Variants in APOH observed in about 807,000 individuals in gnomAD.
APOH encodes the protein beta-2-glycoprotein 1.
APOH carries 48 observed loss-of-function variants against 39.8 expected under a neutral mutation model. The observed-to-expected ratio is 1.21, with a 90% CI of 0.96 to 1.54. The LOEUF (loss-of-function observed/expected upper bound fraction) is 1.54, where lower values mean the gene tolerates loss of function less well. APOH is among the 40% of genes most tolerant of loss of function. The pLI is 0.00. For missense variants in APOH, 415 were observed against 421.2 expected (o/e 0.99, Z 0.13); for synonymous variants, 153 against 151.1 (o/e 1.01, Z -0.09).
chr17:66,222,306 C>G (rs958935893), intron 4 of APOH, among the ~76,000 whole-genome samples: 1 of 151,790 alleles, frequency 6.6e-6, no homozygotes, highest in East Asian at 1.9e-4. Context: ...ATCACTTGGC[C>G]CCAGGAGATC....
intron 2 of APOH, among the ~76,000 whole-genome samples, chr17:66,227,581 A>G (rs2073447548): frequency 6.6e-6 from 1 of 152,208 alleles, no homozygotes; most frequent in Non-Finnish European, 1.5e-5. Flanking sequence ...AATATAATAT[A>G]TACATAATGT....
intron 4 of APOH, among the ~76,000 whole-genome samples, chr17:66,221,643 T>C (rs1403072793): frequency 1.3e-5 from 2 of 151,972 alleles, no homozygotes; most frequent in African/African-American, 4.8e-5. Context: ...ACTTGGTACA[T>C]AGTAGTTTGG....
intron 7 of APOH, among the ~76,000 whole-genome samples, chr17:66,213,835 G>A (rs984987491): frequency 6.6e-6 from 1 of 152,020 alleles, no homozygotes; most frequent in East Asian, 1.9e-4. Flanking sequence ...CTACTCAGAA[G>A]GCTGAGGTGA....
intron 7 of APOH, among the ~76,000 whole-genome samples, 179 bp from the exon 8 acceptor site, chr17:66,212,367 C>A (rs1348780927): frequency 6.6e-6 from 1 of 151,742 alleles, no homozygotes; most frequent in East Asian, 1.9e-4. Flanking sequence ...ATGATAAGAC[C>A]CTCATTTTCT....
chr17:66,223,362 A>G (rs1019608247), intron 4 of APOH, among the ~76,000 whole-genome samples: 16 of 31,040 alleles, frequency 5.2e-4, no homozygotes, highest in African/African-American at 3.1e-3. Context: ...TTAAGTGGTG[A>G]CAGTCCCTGA....
intron 2 of APOH, among the ~76,000 whole-genome samples, chr17:66,226,328 T>C (rs2073439429): frequency 6.6e-6 from 1 of 152,220 alleles, no homozygotes; most frequent in African/African-American, 2.4e-5. Context: ...TTCATTATAC[T>C]GTTTCTCCTA....
chr17:66,223,807 A>G, intron 3 of APOH, 33 bp from the exon 4 acceptor site: 5 of 1,570,692 alleles, frequency 3.2e-6, no homozygotes, highest in Non-Finnish European at 3.5e-6. Context: ...ATCAAGGAGT[A>G]AAATAATCCA....
At chr17:66,227,986 A>C (rs1160996748) in intron 2 of APOH, 34 bp downstream of exon 2, 3 of 1,589,712 alleles carry the variant, frequency 1.9e-6, no homozygotes, top group Admixed American at 1.7e-5. Context: ...AATCCAAATG[A>C]GGGAAGAGAA....
chr17:66,212,268 T>A, intron 7 of APOH, 80 bp from the exon 8 acceptor site: 1 of 1,230,268 alleles, frequency 8.1e-7, no homozygotes, highest in Non-Finnish European at 1.2e-6. Flanking sequence ...CCAAACCAAA[T>A]ACATTTTACG....
rs666 is a variant in APOH at position 66,228,153 on chromosome 17, C to T, written c.108G>A (p.Pro36=). 1.8e-5 allele frequency: 29 copies of T among 1,614,120 alleles called. No individual in the cohort carries two copies. The East Asian group carries it at 5.3e-4, about 30-fold the overall frequency. ...PDDLPFSTVV[P]LKTFYEPGEE... ...CTCCTGGCTCATAGAATGTTTTTAA[C>T]GGGACCACTGTGGAAAATGGTAAAT... The change falls in exon 2 of 8, where the codon CCG becomes CCA. Residue 36 remains proline, a synonymous_variant. Transcript: ENST00000205948.
rs769892837 is a variant in APOH, at chr17:66,229,334, C to T, written c.46G>A (p.Val16Ile). The T allele has an allele frequency of 6.2e-7, 1 of 1,613,670 alleles. No individual in the cohort carries two copies. The highest frequency in any genetic ancestry group is 8.5e-7 in the Non-Finnish European group (1 of 1,179,738). ...LILFSSFLCH[V>I]AIAGRTCPKP... ...TACTTACTCCGTCCTGCAATAGCAA[C>T]ATGGCAGAGAAAACTCGAGAACAAG... The change falls in exon 1 of 8, where the codon GTT (valine) becomes ATT (isoleucine). Residue 16 changes from valine (V) to isoleucine (I), a missense_variant. Val to Ile is a conservative substitution (Grantham distance 29). This residue lies in a region of APOH where 288 missense variants were observed against 284.9 expected (regional missense o/e 1.01). Coordinates refer to ENST00000205948, the MANE Select transcript of APOH (RefSeq NM_000042.3).
At chr17:66,229,157 G>C (rs189528627) in intron 1 of APOH, among the ~76,000 whole-genome samples, 159 bp downstream of exon 1, 23 of 152,120 alleles carry the variant, frequency 1.5e-4, no homozygotes, top group African/African-American at 4.6e-4. Flanking sequence ...GACTGGTCTC[G>C]AACTCCTGAC....
intron 4 of APOH, 149 bp from the exon 5 acceptor site, chr17:66,220,891 C>A (rs934408118): frequency 2.4e-6 from 2 of 842,008 alleles, no homozygotes; most frequent in Non-Finnish European, 3.5e-6. Flanking sequence ...ATTGTGGATG[C>A]CTAATAGGAA....
intron 5 of APOH, among the ~76,000 whole-genome samples, chr17:66,217,808 T>C (rs2073374671): frequency 6.6e-6 from 1 of 151,928 alleles, no homozygotes; most frequent in South Asian, 2.1e-4. Flanking sequence ...CCGGGTGTGG[T>C]GGCATGCACC....
intron 2 of APOH, among the ~76,000 whole-genome samples, chr17:66,226,883 A>ATTT (rs1185974185): frequency 2.1e-5 from 2 of 96,942 alleles, no homozygotes; most frequent in African/African-American, 1.1e-4. Context: ...TTTTTATTTT[A>ATTT]TTTATTTATT....
In APOH at chr17:66,229,341, G is replaced by C. The variant is rs1244894333; in HGVS notation, c.39C>G (p.Leu13=). 3 of 1,613,848 alleles carry C rather than the reference G, an allele frequency of 1.9e-6. No homozygotes were observed. The highest frequency in any genetic ancestry group is 2.5e-6 in the Non-Finnish European group (3 of 1,179,806). ...TCCGTCCTGCAATAGCAACATGGCA[G>C]AGAAAACTCGAGAACAAGATGAGCA... ...SPVLILFSSF[L]CHVAIAGRTC... is the part of the protein sequence containing the mutation. The change falls in exon 1 of 8, where the codon CTC becomes CTG. Residue 13 remains leucine (L), a synonymous_variant. Transcript: ENST00000205948.
intron 3 of APOH, among the ~76,000 whole-genome samples, chr17:66,224,742 G>A (rs1282864481): frequency 6.9e-6 from 1 of 145,224 alleles, no homozygotes; most frequent in East Asian, 2.0e-4. Flanking sequence ...GGAAAGGAAA[G>A]GAAAGGAAAG....
intron 6 of APOH, among the ~76,000 whole-genome samples, chr17:66,216,189 T>C (rs1038443400): frequency 3.2e-4 from 46 of 144,188 alleles, no homozygotes; most frequent in Non-Finnish European, 1.4e-4. Flanking sequence ...AAAGACTCCA[T>C]GTGTCTACAA....
At chr17:66,213,370 C>G (rs1254823531) in intron 7 of APOH, among the ~76,000 whole-genome samples, 1 of 152,122 alleles carries the variant, frequency 6.6e-6, no homozygotes, top group African/African-American at 2.4e-5. Flanking sequence ...AAATATTTTG[C>G]TCTAATGGAT....
Sources: allele counts gnomAD v4.1 joint callset (sites outside exome capture counted in the v4.1 genomes callset), GRCh38; gene constraint gnomAD v4.1.1; regional missense constraint gnomAD v4.1.1; transcripts MANE v1.5; gene names NCBI Gene and HGNC (gene_info 2026-07-23, HGNC 2026-07-21).